PPA2: variants seen among roughly 807,000 people sequenced by gnomAD.
PPA2 encodes inorganic pyrophosphatase 2, mitochondrial.
Under a neutral mutation model 49.5 loss-of-function variants are expected in PPA2, and 48 were observed. That is an observed-to-expected ratio of 0.97 (90% CI 0.77 to 1.23). PPA2 has a LOEUF of 1.23. PPA2 is among the 50% of genes most tolerant of loss of function. PPA2 has a pLI of 0.00. For missense variants in PPA2, 429 were observed against 410.1 expected (o/e 1.05, Z -0.40); for synonymous variants, 131 against 139.9 (o/e 0.94, Z 0.45).
chr4:105,456,719 G>A lies in PPA2; in HGVS notation c.184C>T (p.Pro62Ser), dbSNP rs368922285. The A allele has an allele frequency of 4.4e-6, 7 of 1,606,974 alleles. No homozygotes were observed. Among genetic ancestry groups the A allele is most frequent in the Non-Finnish European group, 5.1e-6 (6 of 1,176,302 alleles). ...ACCTTCAGAGGAATATCATGAAAGG[G>A]GGAAATGTAGTGACCAGTTACATTC... ...FKNVTGHYIS[P>S]FHDIPLKVNS... Residue 62 changes from proline to serine, a missense_variant, in exon 2 of 12, where the codon CCC becomes TCC. Pro to Ser is a moderately conservative substitution (Grantham distance 74). Transcript: ENST00000341695.
intron 5 of PPA2, among the ~76,000 whole-genome samples, chr4:105,443,872 C>G (rs1724487440): frequency 6.6e-6 from 1 of 152,114 alleles, no homozygotes; most frequent in East Asian, 1.9e-4. Flanking sequence ...GTCCACACTA[C>G]TTGTTCCCTC....
In PPA2 at chr4:105,419,223, T is replaced by G. The variant is rs1251308824; in HGVS notation, c.655+4973A>C. Reference sequence around the variant, plus strand: ...GCACAATGTGCAGGTTGGTTACATATGTATACATGTGCCATGTTGGTGTGC... The same window carrying G: ...GCACAATGTGCAGGTTGGTTACATAGGTATACATGTGCCATGTTGGTGTGC... On this transcript the variant is annotated intron_variant, in intron 7 of 11. Transcript: ENST00000341695. Among the ~76,000 whole-genome samples, 10 of 152,320 alleles carry G rather than the reference T, an allele frequency of 6.6e-5. No individual in the cohort carries two copies. In the East Asian group the frequency reaches 1.9e-3, roughly 29 times the overall value.
chr4:105,389,734 T>TA (rs1420336514), intron 9 of PPA2, among the ~76,000 whole-genome samples: 1 of 152,176 alleles, frequency 6.6e-6, no homozygotes, highest in African/African-American at 2.4e-5. Flanking sequence ...GGCCCACACT[T>TA]ATGAGAATCC....
chr4:105,421,937 G>A (rs1723270912), intron 7 of PPA2, among the ~76,000 whole-genome samples: 1 of 152,006 alleles, frequency 6.6e-6, no homozygotes, highest in African/African-American at 2.4e-5. Flanking sequence ...CAACTAGTCA[G>A]GAGGCTGAGG....
chr4:105,401,928 C>A (rs541505874), intron 7 of PPA2, among the ~76,000 whole-genome samples: 1 of 152,190 alleles, frequency 6.6e-6, no homozygotes, highest in African/African-American at 2.4e-5. Context: ...TTTAGCTTTA[C>A]CAAGCATCAG....
chr4:105,372,942 T>C (rs1268551666), intron 10 of PPA2, among the ~76,000 whole-genome samples: 1 of 152,230 alleles, frequency 6.6e-6, no homozygotes, highest in African/African-American at 2.4e-5. Context: ...GACTTTGTTT[T>C]ATTTTCTTTA....
intron 5 of PPA2, among the ~76,000 whole-genome samples, chr4:105,444,503 A>G (rs1396708159): frequency 1.3e-5 from 2 of 152,216 alleles, no homozygotes; most frequent in Non-Finnish European, 2.9e-5. Context: ...GGACTACCAC[A>G]GTCTAATTCT....
Position 105,374,851 on chromosome 4 carries a change from CTTTTTTCTTTTT to C in PPA2, c.940-3990_940-3979del, listed in dbSNP as rs555590740. 6.2e-4 allele frequency among the ~76,000 whole-genome samples: 90 copies of C among 145,884 alleles called. 1 individual carries two copies. The South Asian group carries it at 0.019, about 31-fold the overall frequency. On this transcript the variant is annotated intron_variant, in intron 10 of 11. Transcript: ENST00000341695. ...TGCCTTGGACATTGTCTTTCTTTTT[CTTTTTTCTTTTT>C]TTTTTTTTTTTAGAGACGGGGTTTT... is the stretch of plus-strand genomic sequence containing the variant.
At chr4:105,425,447 TAAC>T (rs1404039117) in intron 6 of PPA2, among the ~76,000 whole-genome samples, 2 of 152,112 alleles carry the variant, frequency 1.3e-5, no homozygotes, top group Non-Finnish European at 2.9e-5. Flanking sequence ...TCAATGAGCT[TAAC>T]AACAAAATAG....
chr4:105,465,241 ATAAT>A (rs1412157555), intron 1 of PPA2, among the ~76,000 whole-genome samples: 3 of 152,178 alleles, frequency 2.0e-5, no homozygotes, highest in African/African-American at 7.2e-5. Flanking sequence ...GGATGCTGCT[ATAAT>A]TAAATTTCCT....
At chr4:105,434,306 A>G (rs974586015) in intron 6 of PPA2, among the ~76,000 whole-genome samples, 3 of 152,254 alleles carry the variant, frequency 2.0e-5, no homozygotes, top group African/African-American at 7.2e-5. Flanking sequence ...TAAAACAAAA[A>G]TGTTCAAATT....
intron 1 of PPA2, among the ~76,000 whole-genome samples, chr4:105,471,214 G>T (rs1246458871): frequency 6.6e-6 from 1 of 152,116 alleles, no homozygotes; most frequent in Non-Finnish European, 1.5e-5. Context: ...CTCATTCCAT[G>T]GTTTTAAAAA....
intron 10 of PPA2, among the ~76,000 whole-genome samples, chr4:105,377,779 T>A (rs1358805835): frequency 6.6e-6 from 1 of 152,184 alleles, no homozygotes; most frequent in Non-Finnish European, 1.5e-5. Context: ...TAAAATTTTA[T>A]ATAAATGGTA....
chr4:105,458,667 C>T (rs950768671), intron 1 of PPA2, among the ~76,000 whole-genome samples: 1 of 151,562 alleles, frequency 6.6e-6, no homozygotes, highest in Non-Finnish European at 1.5e-5. Flanking sequence ...ACTAAAAATA[C>T]AAAAATTAGC....
intron 7 of PPA2, among the ~76,000 whole-genome samples, chr4:105,422,036 GC>G (rs145554933): frequency 0.13 from 19,093 of 151,542 alleles, 1,278 homozygotes; most frequent in African/African-American, 0.16. Context: ...GAGAGAGACT[GC>G]CTCAAAAAAA....
intron 10 of PPA2, among the ~76,000 whole-genome samples, chr4:105,376,462 C>G (rs1227598714): frequency 1.3e-5 from 2 of 152,118 alleles, no homozygotes; most frequent in Non-Finnish European, 2.9e-5. Context: ...TCCTATGTAC[C>G]ATCATCACTA....
intron 1 of PPA2, among the ~76,000 whole-genome samples, chr4:105,468,297 C>G (rs1723390127): frequency 6.6e-6 from 1 of 152,104 alleles, no homozygotes; most frequent in African/African-American, 2.4e-5. Flanking sequence ...GGATTGAGCC[C>G]TGGGCATTTC....
chr4:105,383,229 AT>A (rs929215063), intron 10 of PPA2, among the ~76,000 whole-genome samples: 18 of 152,154 alleles, frequency 1.2e-4, no homozygotes, highest in African/African-American at 3.6e-4. Context: ...CCCAATAATC[AT>A]TTTGATCATT....
chr4:105,375,194 A>G (rs1271618355), intron 10 of PPA2, among the ~76,000 whole-genome samples: 2 of 152,146 alleles, frequency 1.3e-5, no homozygotes, highest in African/African-American at 4.8e-5. Flanking sequence ...TCAAGAATGC[A>G]TTTAAATGGC....
Sources: allele counts gnomAD v4.1 joint callset (sites outside exome capture counted in the v4.1 genomes callset), GRCh38; gene constraint gnomAD v4.1.1; transcripts MANE v1.5; gene names NCBI Gene and HGNC (gene_info 2026-07-23, HGNC 2026-07-21).